CCSER1: variants seen among roughly 807,000 people sequenced by gnomAD.
The protein encoded by CCSER1 is coiled-coil serine rich protein 1.
Under a neutral mutation model 82.0 loss-of-function variants are expected in CCSER1, and 41 were observed. The observed-to-expected ratio is 0.50, with a 90% CI of 0.39 to 0.65. The LOEUF is 0.65. CCSER1 is among the 30% of genes least tolerant of loss of function. The pLI is 0.00. For missense variants in CCSER1, 1,119 were observed against 1,064.2 expected, an observed-to-expected ratio of 1.05 and a Z score of -0.72; for synonymous variants, 414 against 383.9, an observed-to-expected ratio of 1.08 and a Z score of -0.92.
chr4:90,228,075 T>C (rs1743588090), intron 1 of CCSER1, among the ~76,000 whole-genome samples: 1 of 152,146 alleles, frequency 6.6e-6, no homozygotes, highest in African/African-American at 2.4e-5. Flanking sequence ...CAGGCTTGCT[T>C]AGGTAAACAG....
At chr4:91,322,146 G>T (rs1209009433) in intron 10 of CCSER1, among the ~76,000 whole-genome samples, 2 of 152,006 alleles carry the variant, frequency 1.3e-5, no homozygotes, top group Non-Finnish European at 2.9e-5. Context: ...CTTTAGCAGG[G>T]TTAAAAATCC....
chr4:90,331,144 C>G (rs1441584073), intron 3 of CCSER1, among the ~76,000 whole-genome samples: 1 of 151,652 alleles, frequency 6.6e-6, no homozygotes, highest in Non-Finnish European at 1.5e-5. Flanking sequence ...AATAAGCAAG[C>G]CTATTTTACT....
chr4:90,158,685 T>G (rs886957418), intron 1 of CCSER1, among the ~76,000 whole-genome samples: 1 of 152,166 alleles, frequency 6.6e-6, no homozygotes, highest in African/African-American at 2.4e-5. Flanking sequence ...CTGAGCCAGG[T>G]GCGGGATATA....
intron 10 of CCSER1, among the ~76,000 whole-genome samples, chr4:91,462,278 A>G (rs1309116743): frequency 6.6e-6 from 1 of 152,196 alleles, no homozygotes; most frequent in Non-Finnish European, 1.5e-5. Context: ...TTATGCAAAT[A>G]TGTCATTATA....
chr4:90,767,017 C>T (rs1751350575), intron 7 of CCSER1, among the ~76,000 whole-genome samples: 1 of 152,134 alleles, frequency 6.6e-6, no homozygotes, highest in Non-Finnish European at 1.5e-5. Context: ...AGCTGAATGT[C>T]ACTTATCTGA....
chr4:91,497,903 T>C (rs1759009688), intron 10 of CCSER1, among the ~76,000 whole-genome samples: 1 of 151,892 alleles, frequency 6.6e-6, no homozygotes, highest in East Asian at 1.9e-4. Context: ...CCCACAATCC[T>C]CCCCAACCCT....
intron 1 of CCSER1, among the ~76,000 whole-genome samples, chr4:90,221,018 A>G (rs1481124335): frequency 2.6e-5 from 4 of 152,228 alleles, no homozygotes; most frequent in Non-Finnish European, 5.9e-5. Flanking sequence ...AATTGAATTT[A>G]TATAAATGGG....
chr4:90,924,862 G>T (rs1728855673), intron 9 of CCSER1, among the ~76,000 whole-genome samples: 1 of 152,092 alleles, frequency 6.6e-6, no homozygotes, highest in African/African-American at 2.4e-5. Flanking sequence ...AGGTAACTGG[G>T]ATTGCAAGCA....
At chr4:91,325,669 G>C (rs1175547869) in intron 10 of CCSER1, among the ~76,000 whole-genome samples, 1 of 152,154 alleles carries the variant, frequency 6.6e-6, no homozygotes, top group Non-Finnish European at 1.5e-5. Flanking sequence ...ACGGCACAAA[G>C]CTTCCCAGAC....
chr4:90,397,241 G>A (rs910683372), intron 3 of CCSER1, among the ~76,000 whole-genome samples: 1 of 152,174 alleles, frequency 6.6e-6, no homozygotes, highest in African/African-American at 2.4e-5. Context: ...CAAGTGTCAA[G>A]TGTTACCTGC....
intron 5 of CCSER1, among the ~76,000 whole-genome samples, chr4:90,606,661 A>T (rs13140941): frequency 6.6e-6 from 1 of 151,984 alleles, no homozygotes; most frequent in Non-Finnish European, 1.5e-5. Context: ...GCATCATTTC[A>T]TAGCAAATCT....
chr4:90,899,646 GT>G (rs1265117594), intron 8 of CCSER1, among the ~76,000 whole-genome samples: 1 of 151,950 alleles, frequency 6.6e-6, no homozygotes, highest in Non-Finnish European at 1.5e-5. Flanking sequence ...ATTGTTGAGG[GT>G]TTTTATCATG....
At chr4:90,671,616 G>C (rs1207788313) in intron 6 of CCSER1, among the ~76,000 whole-genome samples, 1 of 151,944 alleles carries the variant, frequency 6.6e-6, no homozygotes, top group Non-Finnish European at 1.5e-5. Flanking sequence ...ACCTTTCAAA[G>C]TCATTTATGA....
chr4:91,293,290 C>G (rs1743900267), intron 10 of CCSER1, among the ~76,000 whole-genome samples: 1 of 151,850 alleles, frequency 6.6e-6, no homozygotes. Flanking sequence ...TTCTTAATGT[C>G]TGTCGTTTGG....
chr4:90,471,835 G>C (rs892126433), intron 5 of CCSER1, among the ~76,000 whole-genome samples: 9 of 152,010 alleles, frequency 5.9e-5, no homozygotes, highest in African/African-American at 2.2e-4. Flanking sequence ...AAATTAGCCA[G>C]GCATGGTGGC....
chr4:90,850,567 G>A (rs750769747), intron 8 of CCSER1, among the ~76,000 whole-genome samples: 3 of 152,224 alleles, frequency 2.0e-5, no homozygotes, highest in Non-Finnish European at 4.4e-5. Context: ...GAACTTTAAG[G>A]TTTAATGACT....
chr4:91,086,605 T>C (rs1179962048), intron 10 of CCSER1, among the ~76,000 whole-genome samples: 1 of 152,060 alleles, frequency 6.6e-6, no homozygotes, highest in African/African-American at 2.4e-5. Flanking sequence ...ATTCAGTAAA[T>C]CAAAACATTC....
chr4:90,155,217 C>T (rs1278532662), intron 1 of CCSER1, among the ~76,000 whole-genome samples: 4 of 152,094 alleles, frequency 2.6e-5, no homozygotes, highest in Non-Finnish European at 5.9e-5. Context: ...TCCTTGCATC[C>T]CAGGGATGAA....
intron 1 of CCSER1, among the ~76,000 whole-genome samples, chr4:90,185,359 G>T (rs1308195246): frequency 1.3e-5 from 2 of 151,996 alleles, no homozygotes; most frequent in Non-Finnish European, 2.9e-5. Flanking sequence ...AATGAACATG[G>T]CCTCCTCCCT....
Sources: gnomAD v4.1 joint callset for allele counts (sites outside exome capture counted in the v4.1 genomes callset) on GRCh38, gnomAD v4.1.1 for gene constraint, MANE v1.5 for transcripts, NCBI Gene and HGNC (gene_info 2026-07-23, HGNC 2026-07-21) for gene names.